ETNPPL: variants seen among roughly 807,000 people sequenced by gnomAD.
ETNPPL encodes the protein alanine--glyoxylate aminotransferase 2-like 1.
Under a neutral mutation model 55.5 loss-of-function variants are expected in ETNPPL, and 30 were observed. That is an observed-to-expected ratio of 0.54 (90% CI 0.40 to 0.73). The LOEUF (loss-of-function observed/expected upper bound fraction) is 0.73, where lower values mean the gene tolerates loss of function less well. ETNPPL is among the 30% of genes least tolerant of loss of function. The pLI is 0.00. For synonymous variants in ETNPPL, 202 were observed against 207.2 expected, an observed-to-expected ratio of 0.98 and a Z score of 0.21; for missense variants, 528 against 607.9, an observed-to-expected ratio of 0.87 and a Z score of 1.38.
In ETNPPL at chr4:108,760,220, T is replaced by C. The variant is rs754508097; in HGVS notation, c.143A>G (p.Gln48Arg). ...AACATTGTTGATGCAGTCCAAGTAC[T>C]GTTCACCGTTCTCATCAAACATGTA... ...RQYMFDENGE[Q>R]YLDCINNVAH... The change falls in exon 2 of 13, where the codon CAG becomes CGG. Residue 48 changes from glutamine (Q) to arginine (R), a missense_variant. By Grantham distance (43) the Gln-to-Arg change is conservative. Transcript: ENST00000296486. 3.7e-6 allele frequency: 6 copies of C among 1,610,280 alleles called. No homozygotes were observed. Among genetic ancestry groups the C allele is most frequent in the Non-Finnish European group, 8.5e-7 (1 of 1,176,780 alleles).
chr4:108,754,220 C>T (rs974693696), intron 5 of ETNPPL, among the ~76,000 whole-genome samples: 2 of 151,924 alleles, frequency 1.3e-5, no homozygotes, highest in African/African-American at 2.4e-5. Flanking sequence ...TCCAGTGATC[C>T]GCCCACCTCG....
At chr4:108,744,956 C>A (rs1338373341) in intron 11 of ETNPPL, among the ~76,000 whole-genome samples, 1 of 152,050 alleles carries the variant, frequency 6.6e-6, no homozygotes, top group Non-Finnish European at 1.5e-5. Context: ...AGCTCCTGAG[C>A]TATCCTGATC....
At position 108,746,545 on chromosome 4, in the gene ETNPPL, A is replaced by G. The variant is rs752559374; in HGVS notation, c.1173-16T>C. The G allele has an allele frequency of 9.3e-6, 15 of 1,610,826 alleles. No individual in the cohort carries two copies. The highest frequency in any genetic ancestry group is 1.2e-5 in the Non-Finnish European group (14 of 1,179,074). On this transcript the variant is annotated splice_polypyrimidine_tract_variant and intron_variant, in intron 10 of 12. Transcript: ENST00000296486. Reference sequence around the variant, plus strand: ...TTCTTTCATCCTAATTTGTGTAGGAAATACATGTGAGTGTATGCAAAGGAT... The same window carrying G: ...TTCTTTCATCCTAATTTGTGTAGGAGATACATGTGAGTGTATGCAAAGGAT...
At chr4:108,761,535 A>C (rs1338522967) in intron 1 of ETNPPL, among the ~76,000 whole-genome samples, 1 of 152,246 alleles carries the variant, frequency 6.6e-6, no homozygotes. Flanking sequence ...TGCAGACTTC[A>C]CATTGCCTTT....
chr4:108,749,540 G>T, intron 7 of ETNPPL, 77 bp from the exon 8 acceptor site: 1 of 1,112,198 alleles, frequency 9.0e-7, no homozygotes, highest in Non-Finnish European at 1.3e-6. Context: ...GCAAATTATT[G>T]AAGACAAAAA....
chr4:108,745,930 CAAAAA>C (rs5860940), intron 11 of ETNPPL, among the ~76,000 whole-genome samples: 1 of 70,896 alleles, frequency 1.4e-5, no homozygotes, highest in Admixed American at 1.5e-4. Flanking sequence ...GACTCCATCT[CAAAAA>C]AAAAAAAAAA....
Position 108,762,740 on chromosome 4 carries a change from G to A in ETNPPL, c.56+103C>T, listed in dbSNP as rs111714560. The A allele has an allele frequency of 1.1e-5, 15 of 1,385,540 alleles. No individual in the cohort carries two copies. In the African/African-American group the frequency reaches 1.4e-4, roughly 13 times the overall value. The allele number at this position is 1,385,540 out of a possible 1,614,324, so 85.8% of individuals were successfully genotyped here. On this transcript the variant is annotated intron_variant, in intron 1 of 12. Coordinates refer to ENST00000296486, the MANE Select transcript of ETNPPL (RefSeq NM_031279.4). ...CACAGGCGCGGCGGGCACGGAGTGC[G>A]GCTGCAGCGCATCGTTTGTTCCCTA...
At chr4:108,757,294 T>C (rs977392254) in intron 3 of ETNPPL, among the ~76,000 whole-genome samples, 1 of 152,258 alleles carries the variant, frequency 6.6e-6, no homozygotes, top group Non-Finnish European at 1.5e-5. Context: ...GAATGTTTAC[T>C]ATCCGTTAAA....
At chr4:108,746,036 A>G (rs960606556) in intron 11 of ETNPPL, among the ~76,000 whole-genome samples, 1 of 151,998 alleles carries the variant, frequency 6.6e-6, no homozygotes, top group Non-Finnish European at 1.5e-5. Flanking sequence ...TGTTTCATGT[A>G]TTAATCACAC....
intron 7 of ETNPPL, among the ~76,000 whole-genome samples, chr4:108,750,598 T>C (rs886798947): frequency 4.8e-5 from 7 of 146,886 alleles, no homozygotes; most frequent in African/African-American, 1.8e-4. Flanking sequence ...TGATATATCA[T>C]ATATGATATA....
chr4:108,749,170 T>C (rs1240524954), intron 8 of ETNPPL, 68 bp downstream of exon 8: 23 of 1,295,540 alleles, frequency 1.8e-5, no homozygotes, highest in Non-Finnish European at 2.2e-5. Context: ...CTTTACTACA[T>C]TGGCAAAAAA....
intron 5 of ETNPPL, among the ~76,000 whole-genome samples, chr4:108,753,295 T>G (rs1294450266): frequency 6.6e-6 from 1 of 152,208 alleles, no homozygotes; most frequent in African/African-American, 2.4e-5. Flanking sequence ...GATGATAGTA[T>G]TTAAAAATGT....
rs1243899911 is a variant in ETNPPL, at chr4:108,759,739, T to C, written c.335+10A>G. 2 of 1,613,738 alleles carry C rather than the reference T, an allele frequency of 1.2e-6. No individual in the cohort carries two copies. The highest frequency in any genetic ancestry group is 2.7e-5 in the African/African-American group (2 of 75,044). On this transcript the variant is annotated intron_variant, in intron 3 of 12. Coordinates refer to ENST00000296486, the MANE Select transcript of ETNPPL (RefSeq NM_031279.4). ...GGGAATGGGGAGGGGTGGGAAACCATGAAGCATACCCTGAATTTGTAAAAT... is the reference window on the plus strand; with the variant it reads ...GGGAATGGGGAGGGGTGGGAAACCACGAAGCATACCCTGAATTTGTAAAAT...
At chr4:108,745,319 G>C (rs943590960) in intron 11 of ETNPPL, among the ~76,000 whole-genome samples, 1 of 151,992 alleles carries the variant, frequency 6.6e-6, no homozygotes, top group African/African-American at 2.4e-5. Context: ...AATTAAGGCC[G>C]GGTGCAGTGG....
intron 5 of ETNPPL, among the ~76,000 whole-genome samples, chr4:108,754,124 C>T (rs1225340911): frequency 5.3e-5 from 8 of 152,068 alleles, no homozygotes; most frequent in Non-Finnish European, 7.4e-5. Context: ...CAGGCACCTG[C>T]CACCACACCT....
At chr4:108,743,707 T>C in intron 12 of ETNPPL, 82 bp downstream of exon 12, 1 of 1,078,398 alleles carries the variant, frequency 9.3e-7, no homozygotes, top group South Asian at 1.3e-5. Context: ...CACTGCACAA[T>C]TTTTTGAAAA....
In ETNPPL at chr4:108,742,673, C is replaced by T. The variant is rs539605697; in HGVS notation, c.1372-61G>A. The T allele has an allele frequency of 3.7e-6, 6 of 1,602,044 alleles. No homozygotes were observed. In the South Asian group the frequency reaches 6.6e-5, roughly 18 times the overall value. ...CACCTCTAATCCAGCCTCCACAGGA[C>T]TGACTTAACAAGTCCACACACAAAC... On this transcript the variant is annotated intron_variant, in intron 12 of 12. Coordinates refer to ENST00000296486, the MANE Select transcript of ETNPPL (RefSeq NM_031279.4).
chr4:108,743,667 C>T, intron 12 of ETNPPL, 122 bp downstream of exon 12: 4 of 730,462 alleles, frequency 5.5e-6, no homozygotes, highest in South Asian at 4.7e-5. Context: ...AATAAGTGAA[C>T]CTAATACAGG....
In ETNPPL at chr4:108,750,813, A is replaced by T; in HGVS notation, c.701+123T>A. 4 of 720,748 alleles carry T rather than the reference A, an allele frequency of 5.5e-6. No homozygotes were observed. The East Asian group carries it at 1.1e-4, about 19-fold the overall frequency. The allele number at this position is 720,748 out of a possible 1,614,324, so 44.6% of individuals were successfully genotyped here. ...ATCCAGGAGTCCTGGGTTGGCAGGC[A>T]CTCAGGTGTGGCTATTTACCAGCTA... is the stretch of plus-strand genomic sequence containing the variant. On this transcript the variant is annotated intron_variant, in intron 7 of 12. Transcript: ENST00000296486.
Sources: allele counts gnomAD v4.1 joint callset (sites outside exome capture counted in the v4.1 genomes callset), GRCh38; gene constraint gnomAD v4.1.1; transcripts MANE v1.5; gene names NCBI Gene and HGNC (gene_info 2026-07-23, HGNC 2026-07-21).